PKIB: variants seen among roughly 807,000 people sequenced by gnomAD.
PKIB encodes the protein cAMP-dependent protein kinase inhibitor beta, also known as PKI-beta.
PKIB carries 2 observed loss-of-function variants against 4.5 expected under a neutral mutation model. The observed-to-expected ratio is 0.44, with a 90% CI of 0.18 to 1.39. The LOEUF is 1.39. Among genes scored for constraint, PKIB ranks in the 40% most tolerant of loss-of-function variants. The pLI is 0.27. For synonymous variants in PKIB, 38 were observed against 36.0 expected, an observed-to-expected ratio of 1.06 and a Z score of -0.20; for missense variants, 94 against 92.6, an observed-to-expected ratio of 1.02 and a Z score of -0.06.
chr6:122,475,776 ACT>A (rs1775439201), intron 1 of PKIB, among the ~76,000 whole-genome samples: 1 of 151,980 alleles, frequency 6.6e-6, no homozygotes, highest in Non-Finnish European at 1.5e-5. Flanking sequence ...ACAGAGTGAG[ACT>A]CTGTCTCAAA....
chr6:122,611,156 G>T (rs1250125811), intron 1 of PKIB, among the ~76,000 whole-genome samples: 3 of 152,232 alleles, frequency 2.0e-5, no homozygotes, highest in Admixed American at 2.0e-4. Flanking sequence ...GGACACGAGT[G>T]CCAGGTGGTC....
chr6:122,576,689 A>AAAAAAAAAAATATAT (rs1345822382), intron 2 of PKIB, among the ~76,000 whole-genome samples: 3 of 34,316 alleles, frequency 8.7e-5, no homozygotes, highest in African/African-American at 2.6e-4. Flanking sequence ...AAAAAAAAAA[A>AAAAAAAAAAATATAT]ATATATATAT....
At chr6:122,606,735 T>C (rs1306523521), upstream of PKIB, among the ~76,000 whole-genome samples, 1 of 151,624 alleles carries the variant, frequency 6.6e-6, no homozygotes, top group Non-Finnish European at 1.5e-5. Context: ...TAATTTTTAA[T>C]GGCAACCCTA....
At chr6:122,682,009 C>G (rs1168481546) in intron 3 of PKIB, among the ~76,000 whole-genome samples, 3 of 152,182 alleles carry the variant, frequency 2.0e-5, no homozygotes, top group Non-Finnish European at 4.4e-5. Flanking sequence ...TGAGAAATTT[C>G]TACATCCTAT....
At chr6:122,533,497 T>C (rs1317050451) in intron 2 of PKIB, among the ~76,000 whole-genome samples, 1 of 152,200 alleles carries the variant, frequency 6.6e-6, no homozygotes, top group East Asian at 1.9e-4. Flanking sequence ...CTGATCTAAG[T>C]AATGTATATA....
At chr6:122,504,728 C>A (rs1411105349) in intron 2 of PKIB, among the ~76,000 whole-genome samples, 1 of 152,174 alleles carries the variant, frequency 6.6e-6, no homozygotes, top group Non-Finnish European at 1.5e-5. Flanking sequence ...TTGTTATAGA[C>A]ATCCTTATAT....
chr6:122,541,559 A>G (rs9401554), intron 2 of PKIB, among the ~76,000 whole-genome samples: 23,013 of 151,706 alleles, frequency 0.15, 1,866 homozygotes, highest in East Asian at 0.26. Context: ...TCCGCTGTTA[A>G]TCTGATGGGC....
intron 2 of PKIB, among the ~76,000 whole-genome samples, chr6:122,560,257 T>C (rs1772974142): frequency 2.0e-5 from 3 of 152,020 alleles, no homozygotes; most frequent in Non-Finnish European, 2.9e-5. Flanking sequence ...ACAAGAGATG[T>C]TGGATTTTGT....
intron 3 of PKIB, among the ~76,000 whole-genome samples, chr6:122,589,381 T>C (rs1023734249): frequency 1.4e-4 from 21 of 152,086 alleles, no homozygotes; most frequent in African/African-American, 5.1e-4. Context: ...TATTATATAA[T>C]ATATCTAGAT....
intron 2 of PKIB, among the ~76,000 whole-genome samples, chr6:122,573,625 T>C (rs941195996): frequency 1.3e-5 from 2 of 149,950 alleles, no homozygotes; most frequent in Non-Finnish European, 3.0e-5. Context: ...ATTCAACATA[T>C]GCAAGTCAAT....
chr6:122,684,826 C>T (rs1475901433), intron 3 of PKIB, among the ~76,000 whole-genome samples: 1 of 152,030 alleles, frequency 6.6e-6, no homozygotes. Context: ...TCTTGACTGC[C>T]TTTAATAGCA....
rs186814409 is a variant in PKIB, at chr6:122,660,446, C to T, written c.-75-14632C>T. ...TAAGGTCCCTTCCAAACTGATCATG[C>T]TGTAGCCTTGGGATATGTTGTTCTC... On this transcript the variant is annotated intron_variant, in intron 2 of 4. Coordinates refer to ENST00000368452, the MANE Select transcript of PKIB (RefSeq NM_181795.3). Among the ~76,000 whole-genome samples, 37 of 152,280 alleles carry T rather than the reference C, an allele frequency of 2.4e-4. 1 individual carries two copies. The East Asian group carries it at 6.8e-3, about 28-fold the overall frequency.
chr6:122,507,352 G>T (rs541480868), intron 2 of PKIB, among the ~76,000 whole-genome samples: 12 of 152,242 alleles, frequency 7.9e-5, no homozygotes, highest in Non-Finnish European at 1.2e-4. Flanking sequence ...TCAACCAGGG[G>T]TTTTAACCAT....
intron 3 of PKIB, among the ~76,000 whole-genome samples, chr6:122,712,904 T>G (rs1056648482): frequency 2.0e-5 from 3 of 152,178 alleles, no homozygotes; most frequent in Non-Finnish European, 4.4e-5. Flanking sequence ...ATAATTATGC[T>G]TCTAACATAC....
At chr6:122,559,979 A>G (rs1426884449) in intron 2 of PKIB, among the ~76,000 whole-genome samples, 1 of 152,144 alleles carries the variant, frequency 6.6e-6, no homozygotes, top group Non-Finnish European at 1.5e-5. Flanking sequence ...CAATCATATC[A>G]TCAGCAAACA....
At chr6:122,632,667 G>A (rs1775748300) in intron 1 of PKIB, among the ~76,000 whole-genome samples, 1 of 152,100 alleles carries the variant, frequency 6.6e-6, no homozygotes, top group Admixed American at 6.5e-5. Flanking sequence ...TAGATGGTGA[G>A]GCATTATGCG....
chr6:122,660,218 T>C (rs1349928181), intron 2 of PKIB, among the ~76,000 whole-genome samples: 1 of 152,166 alleles, frequency 6.6e-6, no homozygotes, highest in Non-Finnish European at 1.5e-5. Flanking sequence ...TCCACTATTG[T>C]GGACAATATG....
intron 2 of PKIB, among the ~76,000 whole-genome samples, chr6:122,562,004 G>GTTTTTTTTTTTTTTTTTTTTT (rs758656278): frequency 1.7e-3 from 137 of 79,482 alleles, no homozygotes; most frequent in African/African-American, 3.1e-3. Context: ...GTTTTTTTTT[G>GTTTTTTTTTTTTTTTTTTTTT]TTTTTTTTTT....
At chr6:122,476,098 C>T (rs1323974374) in intron 1 of PKIB, among the ~76,000 whole-genome samples, 1 of 152,096 alleles carries the variant, frequency 6.6e-6, no homozygotes, top group African/African-American at 2.4e-5. Context: ...GTCCTTAGTA[C>T]ATCAACACTA....
Sources: allele counts gnomAD v4.1 joint callset (sites outside exome capture counted in the v4.1 genomes callset), GRCh38; gene constraint gnomAD v4.1.1; transcripts MANE v1.5; gene names NCBI Gene and HGNC (gene_info 2026-07-23, HGNC 2026-07-21).